The following NECAB1 variants were observed in gnomAD, a reference collection of about 807,000 sequenced individuals.
NECAB1 encodes N-terminal EF-hand calcium binding protein 1, also known as N-terminal EF-hand calcium-binding protein 1.
Under a neutral mutation model 57.5 loss-of-function variants are expected in NECAB1, and 29 were observed. That is an observed-to-expected ratio of 0.50 (90% CI 0.38 to 0.69). NECAB1 has a LOEUF of 0.69. NECAB1 is among the 30% of genes least tolerant of loss of function. The pLI is 0.00. For synonymous variants in NECAB1, 142 were observed against 147.7 expected, an observed-to-expected ratio of 0.96 and a Z score of 0.28; for missense variants, 372 against 413.8, an observed-to-expected ratio of 0.90 and a Z score of 0.88.
chr8:90,849,069 A>T (rs1205344637), intron 3 of NECAB1, among the ~76,000 whole-genome samples: 1 of 152,198 alleles, frequency 6.6e-6, no homozygotes, highest in African/African-American at 2.4e-5. Flanking sequence ...CCCATGACAT[A>T]TGGGGATTAT....
intron 5 of NECAB1, among the ~76,000 whole-genome samples, chr8:90,901,300 A>G (rs996606972): frequency 1.3e-5 from 2 of 151,492 alleles, no homozygotes; most frequent in Admixed American, 6.6e-5. Flanking sequence ...GCTTAAATAG[A>G]TGATGTTTCC....
chr8:90,923,979 A>C (rs1810196611), intron 6 of NECAB1, among the ~76,000 whole-genome samples: 1 of 152,230 alleles, frequency 6.6e-6, no homozygotes, highest in African/African-American at 2.4e-5. Context: ...TCAGAATTGG[A>C]ATATGTGTCC....
At chr8:90,863,863 T>G (rs538919167) in intron 3 of NECAB1, among the ~76,000 whole-genome samples, 33 of 152,248 alleles carry the variant, frequency 2.2e-4, no homozygotes, top group African/African-American at 7.9e-4. Flanking sequence ...TATTCCATAT[T>G]GTGCTAATGT....
intron 6 of NECAB1, among the ~76,000 whole-genome samples, chr8:90,921,625 G>T (rs1810115474): frequency 6.6e-6 from 1 of 151,660 alleles, no homozygotes; most frequent in Admixed American, 6.6e-5. Context: ...AGTAAGCAGA[G>T]ATCGCGCCAC....
Position 90,959,114 on chromosome 8 carries a change from C to A in NECAB1, c.*3602C>A. ...AGTTTATCAAACCAAATACTGTGAA[C>A]GTACCAGGTGTTTACAGATTTAAAT... On this transcript the variant is annotated 3_prime_UTR_variant, in exon 13 of 13. Transcript: ENST00000417640. 3.3e-6 allele frequency: 2 copies of A among 612,290 alleles called. No homozygotes were observed. The highest frequency in any genetic ancestry group is 2.1e-5 in the South Asian group (1 of 47,318). 37.9% of individuals were successfully genotyped at this position (612,290 alleles called of 1,614,324 possible). A position where few individuals can be genotyped will look rare whatever the true frequency, so the allele number is the denominator to read the frequency against.
At chr8:90,922,543 A>G (rs1298166176) in intron 6 of NECAB1, among the ~76,000 whole-genome samples, 1 of 121,898 alleles carries the variant, frequency 8.2e-6, no homozygotes, top group African/African-American at 3.2e-5. Context: ...CCCACGATGG[A>G]GTGCAGGGGC....
At chr8:90,876,211 G>T (rs1050451630) in intron 4 of NECAB1, among the ~76,000 whole-genome samples, 1 of 152,022 alleles carries the variant, frequency 6.6e-6, no homozygotes, top group African/African-American at 2.4e-5. Flanking sequence ...AAATCAGAAG[G>T]CTCTATGCCC....
intron 2 of NECAB1, among the ~76,000 whole-genome samples, chr8:90,807,495 T>C (rs1811869487): frequency 1.3e-5 from 2 of 152,316 alleles, no homozygotes; most frequent in Non-Finnish European, 2.9e-5. Context: ...TCTGTGATTC[T>C]GTCTTTCGCA....
At chr8:90,887,325 C>T (rs1348126435) in intron 5 of NECAB1, among the ~76,000 whole-genome samples, 1 of 152,138 alleles carries the variant, frequency 6.6e-6, no homozygotes, top group Non-Finnish European at 1.5e-5. Flanking sequence ...TACTTCATTA[C>T]CACAAGGCAG....
At chr8:90,856,245 A>G (rs1812792009) in intron 3 of NECAB1, among the ~76,000 whole-genome samples, 1 of 152,200 alleles carries the variant, frequency 6.6e-6, no homozygotes. Flanking sequence ...CTGGTTTCCA[A>G]TCTACTGACT....
At chr8:90,792,833 C>T (rs1276349140) in intron 1 of NECAB1, among the ~76,000 whole-genome samples, 2 of 151,884 alleles carry the variant, frequency 1.3e-5, no homozygotes, top group African/African-American at 2.4e-5. Context: ...TCTATTTTTC[C>T]GTCTGTTGCC....
At chr8:90,851,513 A>G in intron 3 of NECAB1, among the ~76,000 whole-genome samples, 1 of 152,152 alleles carries the variant, frequency 6.6e-6, no homozygotes, top group East Asian at 1.9e-4. Context: ...AGACTGTTGG[A>G]GAATTGCTTG....
At chr8:90,801,632 AC>A in intron 1 of NECAB1, 58 bp from the exon 2 acceptor site, 1 of 1,013,832 alleles carries the variant, frequency 9.9e-7, no homozygotes, top group Non-Finnish European at 1.5e-6. Context: ...TGTAAGTGTA[AC>A]GTTCGTTGCA....
intron 6 of NECAB1, among the ~76,000 whole-genome samples, chr8:90,918,229 C>T (rs1044064677): frequency 1.3e-5 from 2 of 151,546 alleles, no homozygotes; most frequent in Admixed American, 6.6e-5. Flanking sequence ...TCAGGCTGGT[C>T]TTGAACTCCT....
At chr8:90,835,881 G>T (rs1812363806) in intron 3 of NECAB1, among the ~76,000 whole-genome samples, 1 of 152,196 alleles carries the variant, frequency 6.6e-6, no homozygotes, top group South Asian at 2.1e-4. Context: ...GCACATTGCT[G>T]GTGACTTTTA....
At position 90,925,608 on chromosome 8, in the gene NECAB1, C is replaced by T. The variant is rs1810245900; in HGVS notation, c.568C>T (p.His190Tyr). The T allele has an allele frequency of 1.2e-6, 2 of 1,613,826 alleles. No individual in the cohort carries two copies. Among genetic ancestry groups the T allele is most frequent in the Middle Eastern group, 1.7e-4 (1 of 6,060 alleles). The part of the protein sequence containing the change: ...GKRSSRRVQR[H>Y]NSFSPNSPQF... The stretch of plus-strand genomic sequence containing the variant: ...ACGATCAAGCCGCCGAGTCCAGAGA[C>T]ACAACAGCTTCTCCCCAAACAGCCC... The change falls in exon 7 of 13, where the codon CAC (histidine) becomes TAC (tyrosine). Residue 190 changes from histidine (H) to tyrosine (Y), a missense_variant. Coordinates refer to ENST00000417640, the MANE Select transcript of NECAB1 (RefSeq NM_022351.5).
At chr8:90,829,904 G>A (rs574984444) in intron 3 of NECAB1, among the ~76,000 whole-genome samples, 1 of 152,164 alleles carries the variant, frequency 6.6e-6, no homozygotes, top group African/African-American at 2.4e-5. Flanking sequence ...CAGTTTTCAT[G>A]TGCCAATGAG....
At chr8:90,795,393 A>T (rs7841474) in intron 1 of NECAB1, among the ~76,000 whole-genome samples, 74,540 of 151,942 alleles carry the variant, frequency 0.49, 20,714 homozygotes, top group East Asian at 0.86. Flanking sequence ...ACTGCTAAAG[A>T]GGGAAAGAGG....
chr8:90,927,202 CTCTT>C (rs1362715059), intron 7 of NECAB1, among the ~76,000 whole-genome samples: 4 of 77,742 alleles, frequency 5.1e-5, no homozygotes, highest in Non-Finnish European at 8.3e-5. Context: ...TCTTTTCTCT[CTCTT>C]TTTTTTTTTT....
Sources: gnomAD v4.1 joint callset for allele counts (sites outside exome capture counted in the v4.1 genomes callset) on GRCh38, gnomAD v4.1.1 for gene constraint, MANE v1.5 for transcripts, NCBI Gene and HGNC (gene_info 2026-07-23, HGNC 2026-07-21) for gene names.